Variants in ZBTB25 observed in about 807,000 individuals in gnomAD.
The protein encoded by ZBTB25 is zinc finger and BTB domain containing 25, also known as zinc finger and BTB domain-containing protein 25.
Under a neutral mutation model 34.2 loss-of-function variants are expected in ZBTB25, and 20 were observed. The observed-to-expected ratio is 0.58, with a 90% CI of 0.41 to 0.85. The LOEUF is 0.85. Among genes scored for constraint, ZBTB25 ranks in the 40% least tolerant of loss-of-function variants. The pLI is 0.00. For synonymous variants in ZBTB25, 175 were observed against 186.4 expected (o/e 0.94, Z 0.50); for missense variants, 437 against 521.8 (o/e 0.84, Z 1.58).
rs148487797 is a variant in ZBTB25 at position 64,487,139 on chromosome 14, C to T, written c.1092G>A (p.Leu364=). The change falls in exon 3 of 3, where the codon TTG becomes TTA. Residue 364 remains leucine (L), a synonymous_variant. Transcript: ENST00000608382. ...CTTTGTGTGTATACATGTGTTCCAACAATTGGCTCTTTCGAGGGAATTTAT... is the reference window on the plus strand; with the variant it reads ...CTTTGTGTGTATACATGTGTTCCAATAATTGGCTCTTTCGAGGGAATTTAT... The part of the protein sequence containing the change: ...CGHKFPRKSQ[L]LEHMYTHKGK... 12 of 1,614,054 alleles carry T rather than the reference C, an allele frequency of 7.4e-6. No homozygotes were observed. The African/African-American group carries it at 1.5e-4, about 20-fold the overall frequency.
At chr14:64,500,056 T>C (rs1209212539) in intron 1 of ZBTB25, among the ~76,000 whole-genome samples, 1 of 151,934 alleles carries the variant, frequency 6.6e-6, no homozygotes, top group Non-Finnish European at 1.5e-5. Context: ...GCACAAATTG[T>C]TAATAGACCT....
rs901513992 is a variant in ZBTB25 at position 64,483,649 on chromosome 14, A to G, written c.*3274T>C. 1 of 152,088 alleles carries G rather than the reference A, an allele frequency of 6.6e-6. No individual in the cohort carries two copies. The highest frequency in any genetic ancestry group is 6.6e-5 in the Admixed American group (1 of 15,258). 9.4% of individuals were successfully genotyped at this position (152,088 alleles called of 1,614,324 possible). On this transcript the variant is annotated 3_prime_UTR_variant, in exon 3 of 3. Transcript: ENST00000608382. ...ATCATGTCTTTAAAAAATAATACTC[A>G]GGGCACAGTGTTAGGCATATGACAG... is the stretch of plus-strand genomic sequence containing the variant.
intron 2 of ZBTB25, chr14:64,458,761 C>A: frequency 4.9e-6 from 1 of 206,182 alleles, no homozygotes; most frequent in East Asian, 1.2e-4. Context: ...GGAAACAGGA[C>A]CAATCTGGCA....
At chr14:64,503,331 G>C (rs1285964445) in intron 1 of ZBTB25, 2 of 985,398 alleles carry the variant, frequency 2.0e-6, no homozygotes, top group Non-Finnish European at 1.2e-6. Flanking sequence ...AGGCCTACTG[G>C]GGTTTCCTGC....
At chr14:64,458,566 T>C (rs999142080) in intron 2 of ZBTB25, 38 of 499,668 alleles carry the variant, frequency 7.6e-5, no homozygotes, top group African/African-American at 6.6e-4. Flanking sequence ...AAAACTGCTG[T>C]CCAATAAACT....
At chr14:64,494,346 G>A (rs1454378074) in intron 1 of ZBTB25, among the ~76,000 whole-genome samples, 2 of 152,158 alleles carry the variant, frequency 1.3e-5, no homozygotes, top group African/African-American at 4.8e-5. Flanking sequence ...AGAAACCAGA[G>A]GCTAGGCCAA....
chr14:64,472,475 C>G (rs548171583), intron 2 of ZBTB25: 1 of 166,852 alleles, frequency 6.0e-6, no homozygotes, highest in East Asian at 1.9e-4. Flanking sequence ...TTATCTAATA[C>G]TAGGTTTTTA....
chr14:64,455,245 C>T (rs2078450677), intron 2 of ZBTB25: 1 of 292,432 alleles, frequency 3.4e-6, no homozygotes, highest in Admixed American at 4.7e-5. Flanking sequence ...TCAGTCCCCC[C>T]ACAGCCCTAG....
chr14:64,473,294 T>C (rs74058135), downstream of ZBTB25: 2,389 of 167,204 alleles, frequency 0.014, 53 homozygotes, highest in African/African-American at 0.053. Flanking sequence ...ATAATAAGCA[T>C]GTGGCATAAA....
chr14:64,451,483 C>G (rs1473581654), intron 2 of ZBTB25, among the ~76,000 whole-genome samples: 1 of 152,240 alleles, frequency 6.6e-6, no homozygotes. Context: ...TGACATTCTC[C>G]TGTTGAGCTT....
rs1320451963 is a variant in ZBTB25, at chr14:64,485,520, T to C, written c.*1403A>G. The C allele has an allele frequency of 1.0e-6, 1 of 985,312 alleles. No individual in the cohort carries two copies. The highest frequency in any genetic ancestry group is 1.2e-6 in the Non-Finnish European group (1 of 829,926). The allele number at this position is 985,312 out of a possible 1,614,324, so 61.0% of individuals were successfully genotyped here. A position where few individuals can be genotyped will look rare whatever the true frequency, so the allele number is the denominator to read the frequency against. ...AATCTGTTATTTCTTTCATCAACTT[T>C]AATTTTCCTGGGGTTTTAGCTTTGT... On this transcript the variant is annotated 3_prime_UTR_variant, in exon 3 of 3. Transcript: ENST00000608382.
chr14:64,494,568 G>A (rs990263625), intron 1 of ZBTB25, among the ~76,000 whole-genome samples: 25 of 152,154 alleles, frequency 1.6e-4, no homozygotes, highest in African/African-American at 5.8e-4. Flanking sequence ...AGGAGGCAGA[G>A]GTTGCAGTGA....
At chr14:64,453,861 GGTA>G in intron 2 of ZBTB25, 2 of 1,586,236 alleles carry the variant, frequency 1.3e-6, no homozygotes, top group South Asian at 2.2e-5. Context: ...ACACGAAGCA[GGTA>G]GATGTTTGGT....
upstream of ZBTB25, chr14:64,504,933 T>A (rs1359228023): frequency 2.5e-6 from 1 of 395,662 alleles, no homozygotes; most frequent in Non-Finnish European, 4.5e-6. Flanking sequence ...CAGCTCTGGT[T>A]CCTGTTGCGG....
rs1431333198 is a variant in ZBTB25, at chr14:64,481,668, A to C, written c.*5255T>G. The C allele has an allele frequency of 6.6e-6, 1 of 152,248 alleles. No homozygotes were observed. The highest frequency in any genetic ancestry group is 1.5e-5 in the Non-Finnish European group (1 of 68,048). 9.4% of individuals were successfully genotyped at this position (152,248 alleles called of 1,614,324 possible). Reference sequence around the variant, plus strand: ...GCAGTACAAATACATACTGAAGCACAATGAATTCTTCCAGGTCTTCAAGAC... The same window carrying C: ...GCAGTACAAATACATACTGAAGCACCATGAATTCTTCCAGGTCTTCAAGAC... On this transcript the variant is annotated 3_prime_UTR_variant, in exon 3 of 3. Transcript: ENST00000608382.
chr14:64,456,416 C>T (rs543751935), intron 2 of ZBTB25, among the ~76,000 whole-genome samples: 2 of 152,258 alleles, frequency 1.3e-5, no homozygotes, highest in Non-Finnish European at 2.9e-5. Flanking sequence ...AACTTTATAT[C>T]TAGGTTCATA....
intron 1 of ZBTB25, among the ~76,000 whole-genome samples, chr14:64,491,152 T>G (rs1316026828): frequency 2.6e-5 from 4 of 152,136 alleles, no homozygotes; most frequent in Admixed American, 6.5e-5. Flanking sequence ...CCCAATTTAC[T>G]TGTGGCCCAA....
At chr14:64,468,847 C>A (rs774533036) in intron 2 of ZBTB25, 1 of 1,614,116 alleles carries the variant, frequency 6.2e-7, no homozygotes, top group Admixed American at 1.7e-5. Context: ...CAGACTGCAG[C>A]ATCAAAGTCC....
At chr14:64,456,806 G>T (rs1278261455) in intron 2 of ZBTB25, among the ~76,000 whole-genome samples, 1 of 152,128 alleles carries the variant, frequency 6.6e-6, no homozygotes, top group African/African-American at 2.4e-5. Context: ...TCAGAATGAG[G>T]TTTTCTAAAG....
Sources: allele counts gnomAD v4.1 joint callset (sites outside exome capture counted in the v4.1 genomes callset), GRCh38; gene constraint gnomAD v4.1.1; transcripts MANE v1.5; gene names NCBI Gene and HGNC (gene_info 2026-07-23, HGNC 2026-07-21).